SLIT3: variants seen among roughly 807,000 people sequenced by gnomAD.
SLIT3 encodes the protein slit guidance ligand 3.
Under a neutral mutation model 184.0 loss-of-function variants are expected in SLIT3, and 68 were observed. The ratio of observed to expected loss-of-function variants is 0.37; its 90% CI spans 0.30 to 0.45. The LOEUF (loss-of-function observed/expected upper bound fraction) is 0.45. SLIT3 is among the 20% of genes least tolerant of loss of function. The pLI is 1.00. For missense variants in SLIT3, 1,707 were observed against 2,026.0 expected (o/e 0.84, Z 3.02); for synonymous variants, 831 against 828.6 (o/e 1.00, Z -0.05).
At position 169,290,121 on chromosome 5, in the gene SLIT3, A is replaced by G. The variant is rs547408382; in HGVS notation, c.197+10392T>C. The stretch of plus-strand genomic sequence containing the variant: ...CGCCAGGGCACACACTCGGGGATGC[A>G]CTAGGGCATACGCCAGGGCACACAC... On this transcript the variant is annotated intron_variant, in intron 1 of 35. Coordinates refer to ENST00000519560, the MANE Select transcript of SLIT3 (RefSeq NM_003062.4). Among the ~76,000 whole-genome samples, 3 of 151,374 alleles carry G rather than the reference A, an allele frequency of 2.0e-5. No individual in the cohort carries two copies. In the South Asian group the frequency reaches 6.3e-4, roughly 32 times the overall value.
At chr5:168,807,079 C>A (rs1337828368) in intron 8 of SLIT3, among the ~76,000 whole-genome samples, 1 of 152,172 alleles carries the variant, frequency 6.6e-6, no homozygotes, top group Admixed American at 6.5e-5. Flanking sequence ...TTAATACCCC[C>A]ACCAGCAGCT....
chr5:168,860,925 C>T (rs769079867), intron 5 of SLIT3, among the ~76,000 whole-genome samples: 5 of 152,174 alleles, frequency 3.3e-5, no homozygotes, highest in Non-Finnish European at 5.9e-5. Flanking sequence ...CATGCTGTGC[C>T]TCTCATTTCT....
At chr5:168,941,631 G>A (rs78786858) in intron 4 of SLIT3, among the ~76,000 whole-genome samples, 2 of 152,142 alleles carry the variant, frequency 1.3e-5, no homozygotes, top group African/African-American at 4.8e-5. Context: ...TCTCTGACTT[G>A]CCCTTTCAGG....
intron 4 of SLIT3, among the ~76,000 whole-genome samples, chr5:169,031,127 C>T (rs1757011276): frequency 1.3e-5 from 2 of 152,130 alleles, no homozygotes; most frequent in South Asian, 4.1e-4. Context: ...AGGATAATAT[C>T]CTTGCAGATG....
intron 1 of SLIT3, among the ~76,000 whole-genome samples, chr5:169,265,579 T>C (rs1047687871): frequency 1.3e-5 from 2 of 152,198 alleles, no homozygotes; most frequent in South Asian, 2.1e-4. Context: ...TAGAATCAGA[T>C]AGCCTGGGCT....
intron 4 of SLIT3, among the ~76,000 whole-genome samples, chr5:168,962,494 G>A (rs1031115525): frequency 1.3e-5 from 2 of 151,886 alleles, no homozygotes; most frequent in Admixed American, 6.6e-5. Context: ...GACACATTCC[G>A]AGCAAGCTTT....
At chr5:168,887,664 T>C (rs1464552416) in intron 4 of SLIT3, among the ~76,000 whole-genome samples, 2 of 152,204 alleles carry the variant, frequency 1.3e-5, no homozygotes, top group African/African-American at 4.8e-5. Context: ...GTCATACGGA[T>C]AGTGCGCCCA....
intron 4 of SLIT3, among the ~76,000 whole-genome samples, chr5:168,929,113 G>A (rs1253671527): frequency 3.9e-5 from 6 of 152,180 alleles, no homozygotes; most frequent in African/African-American, 1.4e-4. Flanking sequence ...CACTCTAATT[G>A]TGTCCATTTC....
chr5:168,945,238 G>T (rs1762436146), intron 4 of SLIT3, among the ~76,000 whole-genome samples: 1 of 138,282 alleles, frequency 7.2e-6, no homozygotes, highest in South Asian at 2.3e-4. Context: ...TTCGTGATTG[G>T]TATCCACATT....
intron 4 of SLIT3, among the ~76,000 whole-genome samples, chr5:168,959,872 A>C (rs1403381319): frequency 6.6e-6 from 1 of 152,162 alleles, no homozygotes; most frequent in Non-Finnish European, 1.5e-5. Flanking sequence ...GGTGCCAGGC[A>C]CTGTGAGGTG....
intron 4 of SLIT3, among the ~76,000 whole-genome samples, chr5:169,040,048 G>T (rs993260094): frequency 6.6e-6 from 1 of 152,140 alleles, no homozygotes; most frequent in Non-Finnish European, 1.5e-5. Flanking sequence ...AAATTTAGAT[G>T]CCATGAGACC....
intron 22 of SLIT3, 69 bp from the exon 23 acceptor site, chr5:168,722,396 C>T (rs1164794429): frequency 1.3e-5 from 18 of 1,338,372 alleles, no homozygotes; most frequent in South Asian, 2.4e-5. Context: ...GCACTGTTCA[C>T]GTTGTGAAAC....
intron 3 of SLIT3, among the ~76,000 whole-genome samples, chr5:169,216,660 T>C (rs73805031): frequency 0.053 from 8,137 of 152,244 alleles, 249 homozygotes; most frequent in South Asian, 0.12. Flanking sequence ...CCTGATTTCA[T>C]CTGTAATTCC....
intron 1 of SLIT3, among the ~76,000 whole-genome samples, chr5:169,275,856 A>C (rs547811876): frequency 6.6e-6 from 1 of 152,284 alleles, no homozygotes; most frequent in African/African-American, 2.4e-5. Flanking sequence ...TGGAGCTCAG[A>C]ACTGAGCCTG....
At chr5:169,080,659 C>T (rs1055332482) in intron 4 of SLIT3, among the ~76,000 whole-genome samples, 1 of 152,148 alleles carries the variant, frequency 6.6e-6, no homozygotes, top group Admixed American at 6.5e-5. Flanking sequence ...AACCTGGCCT[C>T]TTCCCCAAAC....
intron 4 of SLIT3, among the ~76,000 whole-genome samples, chr5:168,920,911 C>A (rs193072940): frequency 6.6e-6 from 1 of 152,298 alleles, no homozygotes; most frequent in African/African-American, 2.4e-5. Flanking sequence ...ACCCACCACA[C>A]ATCGCTCATT....
rs1371509265 is a variant in SLIT3, at chr5:168,883,433, G to A, written c.414-97C>T. 1.1e-5 allele frequency: 10 copies of A among 922,062 alleles called. No individual in the cohort carries two copies. The East Asian group carries it at 2.5e-4, about 23-fold the overall frequency. The allele number at this position is 922,062 out of a possible 1,614,324, so 57.1% of individuals were successfully genotyped here. A position where few individuals can be genotyped will look rare whatever the true frequency, so the allele number is the denominator to read the frequency against. On this transcript the variant is annotated intron_variant, in intron 4 of 35. Coordinates refer to ENST00000519560, the MANE Select transcript of SLIT3 (RefSeq NM_003062.4). ...AACAATCCCCCCCACCCAGGCTGCT[G>A]CCTCTGCGGTCAGAGTGTATGGCGG...
intron 4 of SLIT3, among the ~76,000 whole-genome samples, chr5:169,037,334 C>G (rs972784882): frequency 1.3e-5 from 2 of 152,210 alleles, no homozygotes; most frequent in Non-Finnish European, 2.9e-5. Context: ...TTTACTGGCC[C>G]ATAGCTTTAT....
chr5:168,707,983 C>T lies in SLIT3; in HGVS notation c.2837G>A (p.Ser946Asn). ...GCAGGGCCTCCAGCATACCTTGTAG[C>T]TGTAGGGGCAGGCACAGCGGTACAG... ...VELYRCACPY[S>N]YKGKDCTVPI... The change falls in exon 26 of 36, where the codon AGC becomes AAC. Residue 946 changes from serine to asparagine, a missense_variant. This residue lies in a region of SLIT3 where 1,307 missense variants were observed against 1,511.6 expected (regional missense o/e 0.86). Coordinates refer to ENST00000519560, the MANE Select transcript of SLIT3 (RefSeq NM_003062.4). The T allele has an allele frequency of 6.2e-7, 1 of 1,614,140 alleles. No individual in the cohort carries two copies. Among genetic ancestry groups the T allele is most frequent in the Non-Finnish European group, 8.5e-7 (1 of 1,180,026 alleles).
Sources: allele counts gnomAD v4.1 joint callset (sites outside exome capture counted in the v4.1 genomes callset), GRCh38; gene constraint gnomAD v4.1.1; regional missense constraint gnomAD v4.1.1; transcripts MANE v1.5; gene names NCBI Gene and HGNC (gene_info 2026-07-23, HGNC 2026-07-21).